DIAPH1: variants seen among roughly 807,000 people sequenced by gnomAD.
DIAPH1 encodes protein diaphanous homolog 1.
Under a neutral mutation model 140.7 loss-of-function variants are expected in DIAPH1, and 46 were observed. That is an observed-to-expected ratio of 0.33 (90% CI 0.26 to 0.42). The LOEUF (loss-of-function observed/expected upper bound fraction) is 0.42. Among genes scored for constraint, DIAPH1 ranks in the 10% least tolerant of loss-of-function variants. DIAPH1 has a pLI of 1.00. For synonymous variants in DIAPH1, 565 were observed against 551.6 expected, an observed-to-expected ratio of 1.02 and a Z score of -0.34; for missense variants, 1,310 against 1,558.7, an observed-to-expected ratio of 0.84 and a Z score of 2.69.
chr5:141,583,311 G>A lies in DIAPH1; in HGVS notation c.534-19C>T. On this transcript the variant is annotated intron_variant, in intron 5 of 27. Coordinates refer to ENST00000389054, the MANE Select transcript of DIAPH1 (RefSeq NM_005219.5). The stretch of plus-strand genomic sequence containing the variant: ...CACCCAACTGTAAGGAACAGAGAGA[G>A]GCAATGCAATATCAAACCAATAAAT... 6.2e-7 allele frequency: 1 copy of A among 1,612,664 alleles called. No individual in the cohort carries two copies.
chr5:141,546,815 AACC>A (rs1429503363), intron 18 of DIAPH1, among the ~76,000 whole-genome samples: 2 of 152,198 alleles, frequency 1.3e-5, no homozygotes, highest in Non-Finnish European at 2.9e-5. Flanking sequence ...CCAAAACCAC[AACC>A]ACGTCTTGGC....
rs2099895259 is a variant in DIAPH1 at position 141,572,029 on chromosome 5, C to A, written c.2370G>T (p.Glu790Asp). ...RRPNWSKLVA[E>D]DLSQDCFWTK... ...TCCAGAAGCAGTCCTGGGAGAGGTC[C>A]TCAGCCACAAGCTGTGGATAAAGGC... The change falls in exon 17 of 28, where the codon GAG (glutamate) becomes GAT (aspartate). Residue 790 changes from glutamate (E) to aspartate (D), a missense_variant. Transcript: ENST00000389054. 6.2e-7 allele frequency: 1 copy of A among 1,613,092 alleles called. No homozygotes were observed. The highest frequency in any genetic ancestry group is 8.5e-7 in the Non-Finnish European group (1 of 1,179,064).
intron 18 of DIAPH1, chr5:141,564,441 T>G (rs753160919): frequency 6.6e-6 from 1 of 152,226 alleles, no homozygotes; most frequent in Non-Finnish European, 1.5e-5. Context: ...AGAAATAAAA[T>G]ATCAAATTCC....
intron 18 of DIAPH1, chr5:141,558,568 G>A (rs2099893011): frequency 6.6e-6 from 1 of 152,282 alleles, no homozygotes; most frequent in African/African-American, 2.4e-5. Flanking sequence ...CCGCACGGCT[G>A]GAAGACAGGC....
chr5:141,524,279 T>C (rs2099886967), intron 26 of DIAPH1, 50 bp from the exon 27 acceptor site: 1 of 1,543,240 alleles, frequency 6.5e-7, no homozygotes, highest in Admixed American at 1.7e-5. Flanking sequence ...CAGAGCAGCA[T>C]GGCAAATATC....
intron 18 of DIAPH1, among the ~76,000 whole-genome samples, chr5:141,556,078 A>G (rs1205233378): frequency 6.6e-6 from 1 of 152,216 alleles, no homozygotes; most frequent in African/African-American, 2.4e-5. Flanking sequence ...TGGGAGAAGA[A>G]TATTAAGCAA....
chr5:141,605,694 CCTA>C (rs2099900818), intron 1 of DIAPH1, among the ~76,000 whole-genome samples: 1 of 152,214 alleles, frequency 6.6e-6, no homozygotes, highest in South Asian at 2.1e-4. Context: ...TCAGTGTCCT[CCTA>C]ATTTTAAGAG....
At chr5:141,600,905 CT>C (rs568016790) in intron 1 of DIAPH1, among the ~76,000 whole-genome samples, 8 of 151,966 alleles carry the variant, frequency 5.3e-5, no homozygotes, top group Non-Finnish European at 1.2e-4. Context: ...CTAGAACTGC[CT>C]TTTTTTTCTT....
chr5:141,574,318 G>A, intron 15 of DIAPH1, 110 bp from the exon 16 acceptor site: 2 of 1,069,656 alleles, frequency 1.9e-6, no homozygotes, highest in Non-Finnish European at 2.8e-6. Context: ...TACAAATGGA[G>A]GAACTGAGAG....
intron 1 of DIAPH1, among the ~76,000 whole-genome samples, chr5:141,615,730 G>A (rs567837465): frequency 3.6e-4 from 54 of 152,090 alleles, no homozygotes; most frequent in Non-Finnish European, 5.4e-4. Flanking sequence ...GCAACAGAGC[G>A]AGACTCCATC....
chr5:141,614,368 G>A lies in DIAPH1; in HGVS notation c.117+4430C>T, dbSNP rs3805687. On this transcript the variant is annotated intron_variant, in intron 1 of 27. Transcript: ENST00000389054. ...TCATGGAAGATATATAACACTCCCT[G>A]AGAATAGCCTGGCAATACATTTATA... Among the ~76,000 whole-genome samples the A allele has an allele frequency of 2.0e-5, 3 of 152,142 alleles. No homozygotes were observed. The East Asian group carries it at 5.8e-4, about 29-fold the overall frequency.
chr5:141,589,613 C>T (rs2099898068), intron 1 of DIAPH1, among the ~76,000 whole-genome samples: 2 of 115,810 alleles, frequency 1.7e-5, no homozygotes, highest in African/African-American at 6.6e-5. Context: ...GAAATAATCA[C>T]CATAAATGTC....
At position 141,577,738 on chromosome 5, in the gene DIAPH1, A is replaced by G; in HGVS notation, c.1164-147T>C. On this transcript the variant is annotated intron_variant, in intron 11 of 27. Coordinates refer to ENST00000389054, the MANE Select transcript of DIAPH1 (RefSeq NM_005219.5). ...GTTCTTCCTGTAAACATCACCAGAA[A>G]CTTTAAGCTTTCTAAAACGTCCTTT... 1.0e-5 allele frequency: 7 copies of G among 688,470 alleles called. No homozygotes were observed. In the South Asian group the frequency reaches 1.0e-4, roughly 10 times the overall value. 42.6% of individuals were successfully genotyped at this position (688,470 alleles called of 1,614,324 possible).
At chr5:141,587,484 C>G (rs1156699234) in intron 2 of DIAPH1, 1 of 438,734 alleles carries the variant, frequency 2.3e-6, no homozygotes, top group Admixed American at 3.6e-5. Flanking sequence ...CCTGCCATTT[C>G]TAAGCCTTGT....
rs1346817866 is a variant in DIAPH1 at position 141,588,232 on chromosome 5, C to T, written c.136G>A (p.Ala46Thr). The stretch of plus-strand genomic sequence containing the variant: ...AAACAAAATGTCCTTACCTCATCTG[C>T]CATGAGCCGCTTCAGAGTCTAGGAA... Reference protein sequence around the residue: ...SKKFTLKRLMADELERFTSMR... With the variant: ...SKKFTLKRLMTDELERFTSMR... Residue 46 changes from alanine (A) to threonine (T), a missense_variant, in exon 2 of 28, where the codon GCA (alanine) becomes ACA (threonine). Ala to Thr is a moderately conservative substitution (Grantham distance 58). This residue lies in a region of DIAPH1 where 377 missense variants were observed against 497.1 expected (regional missense o/e 0.76). Transcript: ENST00000389054. 2 of 1,612,036 alleles carry T rather than the reference C, an allele frequency of 1.2e-6. No individual in the cohort carries two copies. Among genetic ancestry groups the T allele is most frequent in the Non-Finnish European group, 1.7e-6 (2 of 1,178,356 alleles).
At chr5:141,554,341 T>C (rs754220754) in intron 18 of DIAPH1, among the ~76,000 whole-genome samples, 5 of 152,118 alleles carry the variant, frequency 3.3e-5, no homozygotes, top group Non-Finnish European at 7.4e-5. Flanking sequence ...TTAGATAAAA[T>C]TGATAAATTT....
chr5:141,606,149 G>T (rs1315149101), intron 1 of DIAPH1, among the ~76,000 whole-genome samples: 1 of 152,096 alleles, frequency 6.6e-6, no homozygotes, highest in African/African-American at 2.4e-5. Context: ...CTGGGTGGGA[G>T]TATATGTGCT....
rs2099894163 is a variant in DIAPH1, at chr5:141,565,046, A to G, written c.2482+6382T>C. On this transcript the variant is annotated intron_variant, in intron 18 of 27. Coordinates refer to ENST00000389054, the MANE Select transcript of DIAPH1 (RefSeq NM_005219.5). This position sits in a 1 kb window ranked among gnomAD's most constrained non-coding sequence, Gnocchi z 4.3. ...TTACTGTGCAGAAATACAAGTTTGC[A>G]AAGACAATTAAAAATGGATGTTTCC... 6.6e-6 allele frequency: 1 copy of G among 152,222 alleles called. No individual in the cohort carries two copies. Among genetic ancestry groups the G allele is most frequent in the Non-Finnish European group, 1.5e-5 (1 of 68,038 alleles). 9.4% of individuals were successfully genotyped at this position (152,222 alleles called of 1,614,324 possible). A position where few individuals can be genotyped will look rare whatever the true frequency, so the allele number is the denominator to read the frequency against.
rs1409319056 is a variant in DIAPH1, at chr5:141,565,773, C to G, written c.2482+5655G>C. On this transcript the variant is annotated intron_variant, in intron 18 of 27. Transcript: ENST00000389054. This position sits in a 1 kb window ranked among gnomAD's most constrained non-coding sequence, Gnocchi z 4.3. ...GTGCCTGGCAGTATCAAGGGCCAAG[C>G]AACTTCACAAATTAAGCAGAGGAGA... is the stretch of plus-strand genomic sequence containing the variant. 6.6e-6 allele frequency among the ~76,000 whole-genome samples: 1 copy of G among 152,140 alleles called. No individual in the cohort carries two copies. Among genetic ancestry groups the G allele is most frequent in the Non-Finnish European group, 1.5e-5 (1 of 68,026 alleles).
Sources: gnomAD v4.1 joint callset for allele counts (sites outside exome capture counted in the v4.1 genomes callset) on GRCh38, gnomAD v4.1.1 for gene constraint, gnomAD v4.1.1 regional missense constraint, Gnocchi (gnomAD v3.1) non-coding constraint, MANE v1.5 for transcripts, NCBI Gene and HGNC (gene_info 2026-07-23, HGNC 2026-07-21) for gene names.